The following LOC128462377 variants were observed in gnomAD, a reference collection of about 807,000 sequenced individuals.
At chr16:89,371,512 G>A in the LOC128462377 span, among the ~76,000 whole-genome samples, 10 of 152,180 alleles carry the variant, frequency 6.6e-5, no homozygotes, top group South Asian at 1.9e-3. Context: ...TGTAGTCTGT[G>A]CACCACCCAC....
the LOC128462377 span, among the ~76,000 whole-genome samples, chr16:89,327,219 C>T: frequency 6.6e-6 from 1 of 152,180 alleles, no homozygotes; most frequent in Non-Finnish European, 1.5e-5. Context: ...AAAGAAGAAA[C>T]ACCACATAAT....
the LOC128462377 span, among the ~76,000 whole-genome samples, chr16:89,364,529 A>T: frequency 2.6e-5 from 4 of 152,140 alleles, no homozygotes; most frequent in African/African-American, 9.7e-5. Flanking sequence ...CGCCCTCAAA[A>T]CAGCGCTGAG....
the LOC128462377 span, among the ~76,000 whole-genome samples, chr16:89,371,686 G>A: frequency 6.6e-6 from 1 of 152,166 alleles, no homozygotes; most frequent in African/African-American, 2.4e-5. Context: ...ACCCCCTCAG[G>A]ATGACTAGAT....
At chr16:89,398,871 T>G in the LOC128462377 span, among the ~76,000 whole-genome samples, 2 of 152,132 alleles carry the variant, frequency 1.3e-5, no homozygotes. Flanking sequence ...ACAGATGCAG[T>G]GGCAGGCACA....
chr16:89,346,671 C>T, the LOC128462377 span, among the ~76,000 whole-genome samples: 1 of 151,988 alleles, frequency 6.6e-6, no homozygotes, highest in African/African-American at 2.4e-5. Context: ...GTAGGAATTT[C>T]GAATATTCAA....
chr16:89,332,098 G>C, the LOC128462377 span, among the ~76,000 whole-genome samples: 1 of 151,900 alleles, frequency 6.6e-6, no homozygotes, highest in East Asian at 1.9e-4. Flanking sequence ...GACCAGACTG[G>C]GCAACATGGC....
chr16:89,344,478 G>A, the LOC128462377 span, among the ~76,000 whole-genome samples: 16 of 152,264 alleles, frequency 1.1e-4, no homozygotes, highest in African/African-American at 2.2e-4. Flanking sequence ...TGTCTGAAGC[G>A]AGTGACACAG....
chr16:89,388,012 C>CAAAA, the LOC128462377 span, among the ~76,000 whole-genome samples: 1 of 94,006 alleles, frequency 1.1e-5, no homozygotes, highest in Admixed American at 1.1e-4. Flanking sequence ...GACTCCATCT[C>CAAAA]AAAAAAAAAA....
At chr16:89,407,185 C>G in the LOC128462377 span, among the ~76,000 whole-genome samples, 1 of 148,150 alleles carries the variant, frequency 6.7e-6, no homozygotes, top group Admixed American at 6.8e-5. Flanking sequence ...AACCCCGTCT[C>G]AAAAAGATAA....
At chr16:89,366,335 G>A in the LOC128462377 span, among the ~76,000 whole-genome samples, 4 of 152,042 alleles carry the variant, frequency 2.6e-5, no homozygotes, top group Admixed American at 6.5e-5. Flanking sequence ...ATTCCTCTGG[G>A]TATATACCCA....
the LOC128462377 span, among the ~76,000 whole-genome samples, chr16:89,359,411 A>G: frequency 2.0e-5 from 3 of 152,170 alleles, no homozygotes; most frequent in African/African-American, 4.8e-5. Flanking sequence ...CCAGCAGAGG[A>G]GCAGGAAGAC....
chr16:89,327,081 T>TGCAGAGGTG, the LOC128462377 span, among the ~76,000 whole-genome samples: 37 of 142,288 alleles, frequency 2.6e-4, no homozygotes, highest in African/African-American at 6.7e-4. Flanking sequence ...ATGCAGAGGT[T>TGCAGAGGTG]GGAAATGCAG....
At chr16:89,319,082 A>G in the LOC128462377 span, among the ~76,000 whole-genome samples, 1 of 152,358 alleles carries the variant, frequency 6.6e-6, no homozygotes, top group Admixed American at 6.5e-5. Context: ...TGGAATTAAC[A>G]TTTTAAAAAA....
the LOC128462377 span, among the ~76,000 whole-genome samples, chr16:89,407,328 G>T: frequency 6.6e-6 from 1 of 152,054 alleles, no homozygotes; most frequent in Non-Finnish European, 1.5e-5. Flanking sequence ...AAATTAAAAG[G>T]AAAAGATGAA....
the LOC128462377 span, among the ~76,000 whole-genome samples, chr16:89,318,086 C>T: frequency 1.3e-5 from 2 of 152,208 alleles, no homozygotes; most frequent in African/African-American, 4.8e-5. Context: ...AGGCCTTCCC[C>T]GAGCCCCTGC....
chr16:89,378,821 T>C, the LOC128462377 span, among the ~76,000 whole-genome samples: 1 of 151,778 alleles, frequency 6.6e-6, no homozygotes, highest in African/African-American at 2.4e-5. Flanking sequence ...TCAGGCGCTG[T>C]GGTTTAAAAC....
At chr16:89,411,778 ATAAT>A in the LOC128462377 span, among the ~76,000 whole-genome samples, 1 of 152,204 alleles carries the variant, frequency 6.6e-6, no homozygotes, top group Non-Finnish European at 1.5e-5. Context: ...ACACAAATAA[ATAAT>A]TAAGATCCTT....
the LOC128462377 span, among the ~76,000 whole-genome samples, chr16:89,413,113 T>C: frequency 6.6e-6 from 1 of 152,182 alleles, no homozygotes; most frequent in Non-Finnish European, 1.5e-5. Flanking sequence ...GTGCCCATTT[T>C]CACATGAACA....
chr16:89,351,158 G>C, the LOC128462377 span, among the ~76,000 whole-genome samples: 1 of 152,214 alleles, frequency 6.6e-6, no homozygotes, highest in Non-Finnish European at 1.5e-5. Flanking sequence ...ACAAGAGCTC[G>C]TCAAGAGCAC....
Sources: allele counts gnomAD v4.1 joint callset (sites outside exome capture counted in the v4.1 genomes callset), GRCh38; gene constraint gnomAD v4.1.1; transcripts MANE v1.5.